The following NFE2L3 variants were observed in gnomAD, a reference collection of about 807,000 sequenced individuals.
NFE2L3 encodes the protein nuclear factor erythroid 2-related factor 3.
In NFE2L3, 18 loss-of-function variants were observed where a neutral mutation model predicts 23.5. The observed-to-expected ratio is 0.77, with a 90% confidence interval of 0.53 to 1.13. The LOEUF (loss-of-function observed/expected upper bound fraction) is 1.13, where lower values mean the gene tolerates loss of function less well. Ranked by LOEUF, NFE2L3 falls within the 50% of genes most tolerant of loss-of-function variation. NFE2L3 has a pLI of 0.00. For synonymous variants in NFE2L3, 424 were observed against 354.5 expected (o/e 1.20, Z -2.20); for missense variants, 1,152 against 877.2 (o/e 1.31, Z -3.96).
rs948541177 is a variant in NFE2L3, at chr7:26,156,023, T to C, written c.570+2955T>C. 5.9e-5 allele frequency among the ~76,000 whole-genome samples: 9 copies of C among 152,214 alleles called. No homozygotes were observed. In the East Asian group the frequency reaches 1.7e-3, roughly 29 times the overall value. On this transcript the variant is annotated intron_variant, in intron 1 of 3. Coordinates refer to ENST00000056233, the MANE Select transcript of NFE2L3 (RefSeq NM_004289.7). The stretch of plus-strand genomic sequence containing the variant: ...CTCACTGGATTCCTTTTGGCTTGTC[T>C]GCATATCTAGTTTGGTTGGTTATTG...
intron 1 of NFE2L3, among the ~76,000 whole-genome samples, chr7:26,169,722 A>G (rs1436933981): frequency 6.6e-6 from 1 of 152,204 alleles, no homozygotes; most frequent in Admixed American, 6.5e-5. Flanking sequence ...ACCATCTAAG[A>G]AGATACTTAT....
At chr7:26,161,480 C>T (rs765372534) in intron 1 of NFE2L3, among the ~76,000 whole-genome samples, 1 of 151,842 alleles carries the variant, frequency 6.6e-6, no homozygotes. Flanking sequence ...CATCTACCAC[C>T]AGGCTGAATG....
intron 2 of NFE2L3, among the ~76,000 whole-genome samples, chr7:26,182,280 A>G (rs532123544): frequency 6.6e-6 from 1 of 151,810 alleles, no homozygotes; most frequent in South Asian, 2.1e-4. Flanking sequence ...GGAAAACATT[A>G]AACCTTATAT....
chr7:26,181,662 T>C (rs772530318), intron 2 of NFE2L3, among the ~76,000 whole-genome samples: 3 of 152,092 alleles, frequency 2.0e-5, no homozygotes, highest in Non-Finnish European at 4.4e-5. Flanking sequence ...ATGACATAAA[T>C]AGCCATGAGT....
intron 1 of NFE2L3, 46 bp downstream of exon 1, chr7:26,153,114 C>T (rs554126245): frequency 1.4e-6 from 2 of 1,481,124 alleles, no homozygotes; most frequent in African/African-American, 2.9e-5. Context: ...TCTACGCCGC[C>T]GGGAGCCCCC....
intron 1 of NFE2L3, among the ~76,000 whole-genome samples, chr7:26,153,660 G>A (rs916618247): frequency 2.6e-5 from 4 of 152,176 alleles, no homozygotes; most frequent in African/African-American, 9.7e-5. Context: ...CCTCCTTCCT[G>A]GAATTTGTGT....
rs774355202 is a variant in NFE2L3, at chr7:26,177,988, T to C, written c.616T>C (p.Ser206Pro). ...REKHEAVDHS[S>P]QHEENEERVS... ...AAAGCACGAAGCTGTGGATCATAGTTCCCAGCATGAGGAAAATGAAGAAAG... is the reference window on the plus strand; with the variant it reads ...AAAGCACGAAGCTGTGGATCATAGTCCCCAGCATGAGGAAAATGAAGAAAG... The change falls in exon 2 of 4, where the codon TCC (serine) becomes CCC (proline). Residue 206 changes from serine to proline, a missense_variant. Ser to Pro is a moderately conservative substitution (Grantham distance 74). Coordinates refer to ENST00000056233, the MANE Select transcript of NFE2L3 (RefSeq NM_004289.7). 4 of 1,614,088 alleles carry C rather than the reference T, an allele frequency of 2.5e-6. No individual in the cohort carries two copies. In the Admixed American group the frequency reaches 5.0e-5, roughly 20 times the overall value.
In NFE2L3 at chr7:26,178,176, G is replaced by A. The variant is rs185436340; in HGVS notation, c.750+54G>A. On this transcript the variant is annotated intron_variant, in intron 2 of 3. Transcript: ENST00000056233. Reference sequence around the variant, plus strand: ...CCGTTTTGGTTTTAATGTAGATTTTGTGGCATTGACAGTTTGTGTCAAGAA... The same window carrying A: ...CCGTTTTGGTTTTAATGTAGATTTTATGGCATTGACAGTTTGTGTCAAGAA... The A allele has an allele frequency of 1.6e-3, 2,420 of 1,512,304 alleles. 5 individuals are homozygous for A. The highest frequency in any genetic ancestry group is 2.1e-3 in the Non-Finnish European group (2,334 of 1,110,162). The allele number at this position is 1,512,304 out of a possible 1,614,324, so 93.7% of individuals were successfully genotyped here.
chr7:26,158,050 TTTTG>T (rs943358815), intron 1 of NFE2L3, among the ~76,000 whole-genome samples: 1 of 119,210 alleles, frequency 8.4e-6, no homozygotes, highest in Admixed American at 8.0e-5. Context: ...TTTTGTTTTG[TTTTG>T]TTTTTTATTT....
chr7:26,168,710 T>TG (rs1241418031), intron 1 of NFE2L3, among the ~76,000 whole-genome samples: 2 of 152,112 alleles, frequency 1.3e-5, no homozygotes, highest in African/African-American at 4.8e-5. Flanking sequence ...TTTTGTATAA[T>TG]GACTTCATTT....
At chr7:26,180,380 G>A (rs1784485235) in intron 2 of NFE2L3, among the ~76,000 whole-genome samples, 1 of 152,036 alleles carries the variant, frequency 6.6e-6, no homozygotes, top group South Asian at 2.1e-4. Context: ...TTCCCAGCTG[G>A]TATTCTCCCC....
At chr7:26,178,374 C>A (rs1345885768) in intron 2 of NFE2L3, among the ~76,000 whole-genome samples, 1 of 152,164 alleles carries the variant, frequency 6.6e-6, no homozygotes, top group African/African-American at 2.4e-5. Context: ...CTTCCAGGAC[C>A]TTGCTAGCAG....
intron 1 of NFE2L3, among the ~76,000 whole-genome samples, chr7:26,172,946 A>C (rs1784348427): frequency 6.6e-6 from 1 of 152,112 alleles, no homozygotes. Flanking sequence ...TCACTCCTTA[A>C]ATTAAGCATC....
intron 2 of NFE2L3, among the ~76,000 whole-genome samples, chr7:26,183,285 C>T (rs781650724): frequency 2.0e-5 from 3 of 152,084 alleles, no homozygotes; most frequent in Non-Finnish European, 4.4e-5. Context: ...CAGTGGCTCA[C>T]GTCTGTAATC....
intron 1 of NFE2L3, among the ~76,000 whole-genome samples, chr7:26,161,534 A>G (rs1784173981): frequency 2.0e-5 from 3 of 151,878 alleles, no homozygotes; most frequent in Non-Finnish European, 4.4e-5. Flanking sequence ...TTCTTGTGCC[A>G]TCCCAAGCTT....
At chr7:26,162,784 C>A (rs1784193276) in intron 1 of NFE2L3, among the ~76,000 whole-genome samples, 1 of 151,664 alleles carries the variant, frequency 6.6e-6, no homozygotes, top group African/African-American at 2.4e-5. Flanking sequence ...ATAATCAGGG[C>A]TCACTGCAGC....
Position 26,184,859 on chromosome 7 carries a change from T to C in NFE2L3, c.1161T>C (p.Asn387=), listed in dbSNP as rs770239602. 6 of 1,613,884 alleles carry C rather than the reference T, an allele frequency of 3.7e-6. No homozygotes were observed. The highest frequency in any genetic ancestry group is 5.1e-6 in the Non-Finnish European group (6 of 1,179,796). The change falls in exon 4 of 4, where the codon AAT becomes AAC. Residue 387 remains asparagine (N), a synonymous_variant. Coordinates refer to ENST00000056233, the MANE Select transcript of NFE2L3 (RefSeq NM_004289.7). ...ACCTACTGTATGACCTTGACATAAA[T>C]ATATTTGATGAGATAAACTTAATGT... ...SQDLLYDLDI[N]IFDEINLMSL...
In NFE2L3 at chr7:26,178,077, G is replaced by A; in HGVS notation, c.705G>A (p.Glu235=). Reference sequence around the variant, plus strand: ...ATGATGATGAAAACAAAATAGCAGAGAAACCTGACTGGGAGGCAGAAAAGA... The same window carrying A: ...ATGATGATGAAAACAAAATAGCAGAAAAACCTGACTGGGAGGCAGAAAAGA... The part of the protein sequence containing the change: ...QNDDDENKIA[E]KPDWEAEKTT... The change falls in exon 2 of 4, where the codon GAG becomes GAA. Residue 235 remains glutamate, a synonymous_variant. Transcript: ENST00000056233. The A allele has an allele frequency of 6.2e-7, 1 of 1,614,054 alleles. No individual in the cohort carries two copies. The highest frequency in any genetic ancestry group is 8.5e-7 in the Non-Finnish European group (1 of 1,179,998).
intron 1 of NFE2L3, among the ~76,000 whole-genome samples, chr7:26,158,013 A>G (rs1404649020): frequency 6.6e-6 from 1 of 151,368 alleles, no homozygotes; most frequent in Non-Finnish European, 1.5e-5. Context: ...TCTGTATCCA[A>G]ATTTCCCTTT....
Sources: allele counts gnomAD v4.1 joint callset (sites outside exome capture counted in the v4.1 genomes callset), GRCh38; gene constraint gnomAD v4.1.1; transcripts MANE v1.5; gene names NCBI Gene and HGNC (gene_info 2026-07-23, HGNC 2026-07-21).